Variants in RGS7 observed in about 807,000 individuals in gnomAD.
RGS7 encodes the protein regulator of G protein signaling 7.
Under a neutral mutation model 81.1 loss-of-function variants are expected in RGS7, and 27 were observed. The observed-to-expected ratio is 0.33, with a 90% CI of 0.25 to 0.46. The LOEUF is 0.46. Ranked by LOEUF, RGS7 falls within the 20% of genes least tolerant of loss-of-function variation. RGS7 has a pLI of 1.00. For synonymous variants in RGS7, 208 were observed against 207.7 expected, an observed-to-expected ratio of 1.00 and a Z score of -0.01; for missense variants, 396 against 607.4, an observed-to-expected ratio of 0.65 and a Z score of 3.66.
intron 2 of RGS7, among the ~76,000 whole-genome samples, chr1:241,250,663 T>A (rs1393410111): frequency 1.3e-5 from 2 of 152,238 alleles, no homozygotes; most frequent in Non-Finnish European, 2.9e-5. Flanking sequence ...GTGCCTTTAT[T>A]CTTTATTGCA....
intron 2 of RGS7, among the ~76,000 whole-genome samples, chr1:241,320,215 T>C (rs1050097662): frequency 1.3e-5 from 2 of 152,242 alleles, no homozygotes; most frequent in South Asian, 2.1e-4. Context: ...TGTGCCCTAA[T>C]AGGTGCTGTT....
rs532747345 is a variant in RGS7 at position 241,139,830 on chromosome 1, G to A, written c.79-41068C>T. Among the ~76,000 whole-genome samples, 9 of 152,076 alleles carry A rather than the reference G, an allele frequency of 5.9e-5. No homozygotes were observed. The South Asian group carries it at 6.2e-4, about 11-fold the overall frequency. On this transcript the variant is annotated intron_variant, in intron 2 of 18. Coordinates refer to ENST00000440928, the MANE Select transcript of RGS7 (RefSeq NM_001364886.1). ...TCAAAATACATTCATTTGACTATTCGCAACTGATCTTTTCTTGTCACTATA... is the reference window on the plus strand; with the variant it reads ...TCAAAATACATTCATTTGACTATTCACAACTGATCTTTTCTTGTCACTATA...
intron 6 of RGS7, among the ~76,000 whole-genome samples, chr1:240,871,245 G>A (rs746287471): frequency 6.6e-6 from 1 of 152,148 alleles, no homozygotes; most frequent in Non-Finnish European, 1.5e-5. Flanking sequence ...AAATGCATTG[G>A]ATGAGGACTG....
chr1:241,220,993 G>A (rs2074904040), intron 2 of RGS7, among the ~76,000 whole-genome samples: 4 of 75,008 alleles, frequency 5.3e-5, no homozygotes, highest in African/African-American at 2.0e-4. Flanking sequence ...AAGGAAGGAA[G>A]GAAGAGAGAG....
At chr1:241,084,802 G>A (rs949327749) in intron 3 of RGS7, among the ~76,000 whole-genome samples, 2 of 152,176 alleles carry the variant, frequency 1.3e-5, no homozygotes, top group Admixed American at 1.3e-4. Context: ...AAAAATACAA[G>A]ACAGAAACAG....
At chr1:241,321,227 G>A (rs2081192408) in intron 2 of RGS7, among the ~76,000 whole-genome samples, 1 of 152,130 alleles carries the variant, frequency 6.6e-6, no homozygotes, top group Non-Finnish European at 1.5e-5. Context: ...GGATTCCATT[G>A]TTGTGGACTA....
chr1:241,114,549 A>T lies in RGS7; in HGVS notation c.79-15787T>A, dbSNP rs138825393. ...GCATTCCCAAGAAGAATCTGGGGTA[A>T]ATCCTTGTCCAGAATTATGTCTTTT... is the stretch of plus-strand genomic sequence containing the variant. On this transcript the variant is annotated intron_variant, in intron 2 of 18. Transcript: ENST00000440928. Among the ~76,000 whole-genome samples the T allele has an allele frequency of 2.6e-5, 4 of 152,258 alleles. No individual in the cohort carries two copies. In the East Asian group the frequency reaches 7.7e-4, roughly 29 times the overall value.
At chr1:240,869,953 A>G in intron 7 of RGS7, 102 bp downstream of exon 7, 2 of 1,011,142 alleles carry the variant, frequency 2.0e-6, no homozygotes, top group South Asian at 2.6e-5. Flanking sequence ...AAAAAAGAAA[A>G]AGATCCATGA....
chr1:241,068,257 T>TATATATATATATATATAAAA (rs1433690559), intron 3 of RGS7, among the ~76,000 whole-genome samples: 18 of 73,252 alleles, frequency 2.5e-4, no homozygotes, highest in South Asian at 1.2e-3. Context: ...TATATATATA[T>TATATATATATATATATAAAA]AAAATATTGT....
intron 2 of RGS7, among the ~76,000 whole-genome samples, chr1:241,301,526 G>C (rs563319762): frequency 1.3e-5 from 2 of 152,336 alleles, no homozygotes; most frequent in South Asian, 4.1e-4. Context: ...CTGGTAGAGA[G>C]AGCAGCATGT....
intron 4 of RGS7, among the ~76,000 whole-genome samples, chr1:240,973,859 C>T (rs1044987261): frequency 5.9e-5 from 9 of 152,122 alleles, no homozygotes; most frequent in Non-Finnish European, 1.3e-4. Flanking sequence ...GGATTACAGG[C>T]GTGAGCCACT....
Position 241,355,685 on chromosome 1 carries a change from G to A in RGS7, c.78+14C>T. On this transcript the variant is annotated intron_variant, in intron 2 of 18. Transcript: ENST00000440928. ...GAAGTTTCCCGTTTTCCAAGAAACT[G>A]AAGACATTCTTACCTTTCTGTACAC... 6.2e-7 allele frequency: 1 copy of A among 1,611,036 alleles called. No individual in the cohort carries two copies. Among genetic ancestry groups the A allele is most frequent in the Admixed American group, 1.7e-5 (1 of 60,028 alleles).
chr1:241,022,424 G>C (rs989245441), intron 3 of RGS7, among the ~76,000 whole-genome samples: 1 of 152,182 alleles, frequency 6.6e-6, no homozygotes, highest in African/African-American at 2.4e-5. Context: ...AAATTAGCCA[G>C]AAGACTAGAA....
intron 9 of RGS7, among the ~76,000 whole-genome samples, chr1:240,857,299 C>G (rs962047836): frequency 2.0e-5 from 3 of 152,076 alleles, no homozygotes; most frequent in Non-Finnish European, 4.4e-5. Flanking sequence ...CGTATGTCCC[C>G]TCATCCCACC....
chr1:240,797,221 T>A (rs6429224), intron 18 of RGS7, among the ~76,000 whole-genome samples: 13,367 of 152,248 alleles, frequency 0.088, 1,981 homozygotes, highest in African/African-American at 0.3. Flanking sequence ...CAGCTGGCAC[T>A]TGATTATGAA....
intron 2 of RGS7, among the ~76,000 whole-genome samples, chr1:241,246,090 C>T (rs1021914467): frequency 1.6e-4 from 25 of 151,974 alleles, no homozygotes; most frequent in Non-Finnish European, 3.2e-4. Flanking sequence ...GGGGACAGAG[C>T]GAGACTCTGT....
chr1:240,952,978 C>G (rs1472887431), intron 4 of RGS7, among the ~76,000 whole-genome samples: 1 of 151,850 alleles, frequency 6.6e-6, no homozygotes, highest in East Asian at 1.9e-4. Context: ...CTAAAGAGAT[C>G]AATTCTTCAA....
intron 3 of RGS7, among the ~76,000 whole-genome samples, chr1:241,021,821 C>T (rs574837844): frequency 6.6e-6 from 1 of 152,288 alleles, no homozygotes; most frequent in South Asian, 2.1e-4. Flanking sequence ...GAAGCACTAA[C>T]CACTCGGGGT....
At chr1:241,099,360 C>T (rs145504325) in intron 2 of RGS7, among the ~76,000 whole-genome samples, 212 of 152,190 alleles carry the variant, frequency 1.4e-3, no homozygotes, top group African/African-American at 4.8e-3. Flanking sequence ...TGTGCACATA[C>T]ACTCCACACA....
Sources: allele counts gnomAD v4.1 joint callset (sites outside exome capture counted in the v4.1 genomes callset), GRCh38; gene constraint gnomAD v4.1.1; transcripts MANE v1.5; gene names NCBI Gene and HGNC (gene_info 2026-07-23, HGNC 2026-07-21).